Variants in PLCB1 observed in about 807,000 individuals in gnomAD.
PLCB1 encodes the protein 1-phosphatidylinositol 4,5-bisphosphate phosphodiesterase beta-1.
PLCB1 carries 46 observed loss-of-function variants against 161.8 expected under a neutral mutation model. The ratio of observed to expected loss-of-function variants is 0.28; its 90% confidence interval spans 0.22 to 0.36. The LOEUF (loss-of-function observed/expected upper bound fraction) is 0.36, where lower values mean the gene tolerates loss of function less well. Among genes scored for constraint, PLCB1 ranks in the 10% least tolerant of loss-of-function variants. The pLI, the probability that PLCB1 is intolerant of heterozygous loss-of-function variation, is 1.00. For missense variants in PLCB1, 1,016 were observed against 1,472.5 expected, an observed-to-expected ratio of 0.69 and a Z score of 5.07; for synonymous variants, 517 against 503.7, an observed-to-expected ratio of 1.03 and a Z score of -0.35.
chr20:8,413,563 T>A (rs1979135774), intron 3 of PLCB1, among the ~76,000 whole-genome samples: 1 of 152,198 alleles, frequency 6.6e-6, no homozygotes, highest in Non-Finnish European at 1.5e-5. Context: ...TTGTTACAGA[T>A]CTTGAAGTGG....
intron 2 of PLCB1, among the ~76,000 whole-genome samples, chr20:8,278,424 A>C (rs1487853224): frequency 2.0e-5 from 3 of 150,534 alleles, no homozygotes; most frequent in African/African-American, 7.3e-5. Flanking sequence ...CATAAGAAAC[A>C]AATTAAGTAT....
intron 3 of PLCB1, among the ~76,000 whole-genome samples, chr20:8,609,873 G>A (rs1447274808): frequency 6.6e-6 from 1 of 151,866 alleles, no homozygotes; most frequent in Non-Finnish European, 1.5e-5. Context: ...CACAAAGGGT[G>A]CACAGGTACT....
At chr20:8,537,576 C>A (rs1985104787) in intron 3 of PLCB1, among the ~76,000 whole-genome samples, 1 of 152,014 alleles carries the variant, frequency 6.6e-6, no homozygotes. Flanking sequence ...TGCGGGGAGC[C>A]CTTTCCTGCC....
intron 3 of PLCB1, among the ~76,000 whole-genome samples, chr20:8,509,956 T>C (rs1983809819): frequency 6.6e-6 from 1 of 152,214 alleles, no homozygotes; most frequent in African/African-American, 2.4e-5. Context: ...GCCTTAATTA[T>C]AATGTTATCT....
At chr20:8,716,803 C>T (rs1979339743) in intron 13 of PLCB1, among the ~76,000 whole-genome samples, 1 of 152,156 alleles carries the variant, frequency 6.6e-6, no homozygotes, top group African/African-American at 2.4e-5. Context: ...CTCAGGTCGC[C>T]CATTGCATTG....
intron 3 of PLCB1, among the ~76,000 whole-genome samples, chr20:8,383,551 A>G (rs1725701299): frequency 6.6e-6 from 1 of 152,214 alleles, no homozygotes; most frequent in Admixed American, 6.5e-5. Flanking sequence ...TAGTATGGTT[A>G]CATGGGAATT....
intron 3 of PLCB1, among the ~76,000 whole-genome samples, chr20:8,626,772 C>G (rs1476859262): frequency 1.3e-5 from 2 of 152,152 alleles, no homozygotes; most frequent in Admixed American, 6.5e-5. Flanking sequence ...CACAAAATTA[C>G]AAGTACTAAT....
chr20:8,181,538 C>T (rs1396694263), intron 2 of PLCB1, among the ~76,000 whole-genome samples: 1 of 152,054 alleles, frequency 6.6e-6, no homozygotes, highest in African/African-American at 2.4e-5. Flanking sequence ...AGCCAATATG[C>T]CAAAAGACCC....
At chr20:8,232,231 GAGAGAGA>G (rs1465238659) in intron 2 of PLCB1, among the ~76,000 whole-genome samples, 4,860 of 137,020 alleles carry the variant, frequency 0.035, 269 homozygotes, top group African/African-American at 0.15. Context: ...AAAAAAGAGA[GAGAGAGA>G]GAGAGAGAGA....
intron 20 of PLCB1, among the ~76,000 whole-genome samples, chr20:8,738,939 C>T (rs535697748): frequency 3.3e-5 from 5 of 152,232 alleles, no homozygotes; most frequent in African/African-American, 9.6e-5. Context: ...CACCTGAGGT[C>T]GGGAGTTCGA....
At chr20:8,263,020 G>C (rs1338449419) in intron 2 of PLCB1, among the ~76,000 whole-genome samples, 2 of 152,182 alleles carry the variant, frequency 1.3e-5, no homozygotes, top group Admixed American at 6.5e-5. Flanking sequence ...TTCAACAAAT[G>C]AATTTGGGGG....
In PLCB1 at chr20:8,688,977, G is replaced by A. The variant is rs147854445; in HGVS notation, c.1009+3899G>A. On this transcript the variant is annotated intron_variant, in intron 10 of 31. Coordinates refer to ENST00000338037, the MANE Select transcript of PLCB1 (RefSeq NM_015192.4). The stretch of plus-strand genomic sequence containing the variant: ...CAATATTGATTCTACCCATCCATGA[G>A]CATGGGATGTGTTTTCATTTGTTTG... Among the ~76,000 whole-genome samples the A allele has an allele frequency of 1.9e-3, 293 of 152,248 alleles. 1 individual carries two copies. Among genetic ancestry groups the A allele is most frequent in the African/African-American group, 6.8e-3 (283 of 41,542 alleles).
At chr20:8,219,357 G>T (rs1979295146) in intron 2 of PLCB1, among the ~76,000 whole-genome samples, 1 of 152,114 alleles carries the variant, frequency 6.6e-6, no homozygotes, top group Non-Finnish European at 1.5e-5. Context: ...TTTGTTAGTG[G>T]CAATGTTGGG....
chr20:8,721,369 C>T (rs922093127), intron 14 of PLCB1, among the ~76,000 whole-genome samples: 2 of 152,196 alleles, frequency 1.3e-5, no homozygotes, highest in African/African-American at 4.8e-5. Context: ...CAATTTAGAA[C>T]TTTCGAACCA....
At chr20:8,708,399 A>G (rs1195113456) in intron 11 of PLCB1, among the ~76,000 whole-genome samples, 1 of 152,162 alleles carries the variant, frequency 6.6e-6, no homozygotes, top group Non-Finnish European at 1.5e-5. Flanking sequence ...TTTGATTATT[A>G]AAAAATAGAT....
At position 8,389,454 on chromosome 20, in the gene PLCB1, C is replaced by T. The variant is rs918748306; in HGVS notation, c.246+18004C>T. Among the ~76,000 whole-genome samples the T allele has an allele frequency of 3.3e-5, 5 of 152,184 alleles. 1 individual carries two copies. Among genetic ancestry groups the T allele is most frequent in the Non-Finnish European group, 7.3e-5 (5 of 68,036 alleles). ...AGGTGAAAGGCCTGGCAGCCAAGAA[C>T]ATTCTCACGGAGGCCCAGAGTGGAC... On this transcript the variant is annotated intron_variant, in intron 3 of 31. Transcript: ENST00000338037.
At chr20:8,473,894 A>C (rs1191336658) in intron 3 of PLCB1, among the ~76,000 whole-genome samples, 1 of 152,212 alleles carries the variant, frequency 6.6e-6, no homozygotes, top group Non-Finnish European at 1.5e-5. Flanking sequence ...TTTTTTCTCA[A>C]ATGGGAATAT....
rs766200213 is a variant in PLCB1 at position 8,658,517 on chromosome 20, T to G, written c.696-21T>G. 1.9e-6 allele frequency: 3 copies of G among 1,555,870 alleles called. No individual in the cohort carries two copies. The Admixed American group carries it at 6.2e-5, about 32-fold the overall frequency. On this transcript the variant is annotated intron_variant, in intron 8 of 31. Coordinates refer to ENST00000338037, the MANE Select transcript of PLCB1 (RefSeq NM_015192.4). ...ACTTAGTTTAAAAAATTCTTATTGC[T>G]TGGTTTTTCATTGTTTTTAGTGGTG...
intron 3 of PLCB1, among the ~76,000 whole-genome samples, chr20:8,461,369 C>A (rs1981569920): frequency 1.3e-5 from 2 of 152,140 alleles, no homozygotes; most frequent in Non-Finnish European, 2.9e-5. Flanking sequence ...GTGGCTCAGC[C>A]TCTACCACTT....
Sources: allele counts gnomAD v4.1 joint callset (sites outside exome capture counted in the v4.1 genomes callset), GRCh38; gene constraint gnomAD v4.1.1; transcripts MANE v1.5; gene names NCBI Gene and HGNC (gene_info 2026-07-23, HGNC 2026-07-21).